TBCD: variants seen among roughly 807,000 people sequenced by gnomAD.
The protein encoded by TBCD is tubulin folding cofactor D.
In TBCD, 105 loss-of-function variants were observed where a neutral mutation model predicts 169.3. That is an observed-to-expected ratio of 0.62 (90% confidence interval 0.53 to 0.73). The LOEUF is 0.73. Ranked by LOEUF, TBCD falls within the 30% of genes least tolerant of loss-of-function variation. The pLI, the probability that TBCD is intolerant of heterozygous loss-of-function variation, is 0.00. For missense variants in TBCD, 1,444 were observed against 1,600.1 expected (o/e 0.90, Z 1.66); for synonymous variants, 700 against 643.9 (o/e 1.09, Z -1.32).
At chr17:82,819,944 AG>A (rs2052269204) in intron 13 of TBCD, among the ~76,000 whole-genome samples, 2 of 150,742 alleles carry the variant, frequency 1.3e-5, no homozygotes, top group African/African-American at 2.4e-5. Context: ...CAAGAAGCAC[AG>A]GTGGGGGGAT....
chr17:82,768,843 G>C (rs1339925894), intron 5 of TBCD, among the ~76,000 whole-genome samples: 2 of 152,124 alleles, frequency 1.3e-5, no homozygotes, highest in East Asian at 1.9e-4. Context: ...TGGTGAGAGA[G>C]AATAAGGACC....
chr17:82,908,777 C>T (rs1231358053), intron 21 of TBCD, among the ~76,000 whole-genome samples: 1 of 152,128 alleles, frequency 6.6e-6, no homozygotes, highest in Non-Finnish European at 1.5e-5. Flanking sequence ...AAAATATAAG[C>T]AGTAATAGAG....
In TBCD at chr17:82,870,172, G is replaced by A. The variant is rs144560170; in HGVS notation, c.1319-52G>A. 58 of 1,608,648 alleles carry A rather than the reference G, an allele frequency of 3.6e-5. No homozygotes were observed. In the African/African-American group the frequency reaches 4.3e-4, roughly 12 times the overall value. ...GAGCCCCACTTCTCTGAAGCCTCACGTGTTGCCCGTGTGGTCTGCTCCTCA... is the reference window on the plus strand; with the variant it reads ...GAGCCCCACTTCTCTGAAGCCTCACATGTTGCCCGTGTGGTCTGCTCCTCA... On this transcript the variant is annotated intron_variant, in intron 13 of 38. Coordinates refer to ENST00000355528, the MANE Select transcript of TBCD (RefSeq NM_005993.5).
intron 38 of TBCD, chr17:82,942,168 TTTTA>T (rs2063359389): frequency 3.6e-6 from 2 of 550,446 alleles, no homozygotes; most frequent in African/African-American, 1.9e-5. Context: ...CTTTTTACAT[TTTTA>T]TTAGGAAAAA....
intron 13 of TBCD, among the ~76,000 whole-genome samples, chr17:82,815,415 G>A (rs961724457): frequency 6.6e-6 from 1 of 152,186 alleles, no homozygotes; most frequent in Non-Finnish European, 1.5e-5. Flanking sequence ...GAGTGACGTG[G>A]TGCTCCCTGG....
intron 34 of TBCD, among the ~76,000 whole-genome samples, chr17:82,933,878 G>T (rs1431738886): frequency 6.6e-6 from 1 of 152,220 alleles, no homozygotes; most frequent in African/African-American, 2.4e-5. Context: ...CTCCCAAAGT[G>T]CTGGGATTAC....
At chr17:82,909,375 C>A in intron 22 of TBCD, 68 bp downstream of exon 22, 1 of 1,368,738 alleles carries the variant, frequency 7.3e-7, no homozygotes, top group Non-Finnish European at 1.0e-6. Context: ...CAGGAGCAGG[C>A]GGGGCGGGTG....
At chr17:82,848,758 C>T (rs2055372742) in intron 13 of TBCD, among the ~76,000 whole-genome samples, 1 of 152,204 alleles carries the variant, frequency 6.6e-6, no homozygotes, top group Non-Finnish European at 1.5e-5. Context: ...GGCTTGATCC[C>T]TTCTCATCCT....
At chr17:82,867,442 G>C (rs1430201402) in intron 13 of TBCD, among the ~76,000 whole-genome samples, 1 of 152,226 alleles carries the variant, frequency 6.6e-6, no homozygotes, top group African/African-American at 2.4e-5. Flanking sequence ...CTGTCCCTGG[G>C]GATCTGGCCT....
chr17:82,845,653 C>T (rs1295312240), intron 13 of TBCD, among the ~76,000 whole-genome samples: 2 of 151,666 alleles, frequency 1.3e-5, no homozygotes, highest in African/African-American at 4.9e-5. Flanking sequence ...CCCAGCCCAC[C>T]CCGGTCCCTT....
intron 13 of TBCD, among the ~76,000 whole-genome samples, chr17:82,841,814 C>T (rs1198543166): frequency 6.6e-6 from 1 of 152,142 alleles, no homozygotes; most frequent in East Asian, 1.9e-4. Flanking sequence ...TGGCAGGTGA[C>T]TGGTCTGGAG....
chr17:82,917,086 C>T (rs1161391107), intron 23 of TBCD, among the ~76,000 whole-genome samples: 1 of 123,094 alleles, frequency 8.1e-6, no homozygotes, highest in African/African-American at 3.1e-5. Context: ...GTGGCACAAT[C>T]TCAGCTCACT....
At chr17:82,861,212 A>G (rs945547271) in intron 13 of TBCD, among the ~76,000 whole-genome samples, 1 of 151,044 alleles carries the variant, frequency 6.6e-6, no homozygotes, top group African/African-American at 2.4e-5. Flanking sequence ...GTGGTCAGGG[A>G]CCCACCCAGT....
In TBCD at chr17:82,930,475, G is replaced by A. The variant is rs1568078656; in HGVS notation, c.2992-47G>A. 5.0e-6 allele frequency: 8 copies of A among 1,598,038 alleles called. No individual in the cohort carries two copies. Among genetic ancestry groups the A allele is most frequent in the Non-Finnish European group, 6.8e-6 (8 of 1,173,644 alleles). On this transcript the variant is annotated intron_variant, in intron 32 of 38. Coordinates refer to ENST00000355528, the MANE Select transcript of TBCD (RefSeq NM_005993.5). The surrounding 1 kb of genome is among the most constrained non-coding windows in gnomAD (Gnocchi z 5.2). The stretch of plus-strand genomic sequence containing the variant: ...CGGCTGTAGCCAAGCCTGAGGGGTG[G>A]CAGGCTCGGGGGTCCCACTGCCTTC...
chr17:82,818,013 A>T (rs1182631379), intron 13 of TBCD, among the ~76,000 whole-genome samples: 2 of 152,188 alleles, frequency 1.3e-5, no homozygotes, highest in African/African-American at 4.8e-5. Flanking sequence ...AGCCAGCTCC[A>T]GGTTCACTCA....
At position 82,920,753 on chromosome 17, in the gene TBCD, C is replaced by A; in HGVS notation, c.2101+135C>A. 2 of 862,296 alleles carry A rather than the reference C, an allele frequency of 2.3e-6. No individual in the cohort carries two copies. The highest frequency in any genetic ancestry group is 3.5e-6 in the Non-Finnish European group (2 of 564,310). 53.4% of individuals were successfully genotyped at this position (862,296 alleles called of 1,614,324 possible). A position where few individuals can be genotyped will look rare whatever the true frequency, so the allele number is the denominator to read the frequency against. ...TTCAAGATATTAATCGGATACGTTG[C>A]CTTGAAGTTGTTACAAGAACCTGCT... On this transcript the variant is annotated intron_variant, in intron 24 of 38. Transcript: ENST00000355528. The surrounding 1 kb of genome is among the most constrained non-coding windows in gnomAD (Gnocchi z 4.1).
chr17:82,831,390 C>T lies in TBCD; in HGVS notation c.1318+16456C>T, dbSNP rs142576643. 14 of 1,613,966 alleles carry T rather than the reference C, an allele frequency of 8.7e-6. No individual in the cohort carries two copies. Among genetic ancestry groups the T allele is most frequent in the African/African-American group, 4.0e-5 (3 of 74,906 alleles). On this transcript the variant is annotated intron_variant, in intron 13 of 38. Transcript: ENST00000355528. This position sits in a 1 kb window ranked among gnomAD's most constrained non-coding sequence, Gnocchi z 4.6. ...TGGAAGGACTCGAGGCTGGATAGAC[C>T]AGGGTGGCTTCTTCAAGCAGGTGAG...
intron 30 of TBCD, among the ~76,000 whole-genome samples, chr17:82,928,439 C>G (rs1270979343): frequency 6.6e-6 from 1 of 152,154 alleles, no homozygotes; most frequent in African/African-American, 2.4e-5. Flanking sequence ...GTCGGGGGCA[C>G]GGGGTTGTGG....
chr17:82,808,261 C>T (rs968921717), intron 11 of TBCD, among the ~76,000 whole-genome samples: 4 of 151,936 alleles, frequency 2.6e-5, no homozygotes, highest in South Asian at 4.2e-4. Context: ...GCTGAAGTGT[C>T]GGGGAGGCCC....
Sources: gnomAD v4.1 joint callset for allele counts (sites outside exome capture counted in the v4.1 genomes callset) on GRCh38, gnomAD v4.1.1 for gene constraint, Gnocchi (gnomAD v3.1) non-coding constraint, MANE v1.5 for transcripts, NCBI Gene and HGNC (gene_info 2026-07-23, HGNC 2026-07-21) for gene names.